TUT4: variants seen among roughly 807,000 people sequenced by gnomAD.
TUT4 encodes terminal uridylyl transferase 4, also known as terminal uridylyltransferase 4.
A neutral mutation model predicts 192.2 loss-of-function variants in TUT4; 36 were observed. That is an observed-to-expected ratio of 0.19 (90% CI 0.14 to 0.25). The LOEUF (loss-of-function observed/expected upper bound fraction) is 0.25, where lower values mean the gene tolerates loss of function less well. Among genes scored for constraint, TUT4 ranks in the 10% least tolerant of loss-of-function variants. The pLI is 1.00. For missense variants in TUT4, 1,493 were observed against 1,957.2 expected, an observed-to-expected ratio of 0.76 and a Z score of 4.47; for synonymous variants, 618 against 666.0, an observed-to-expected ratio of 0.93 and a Z score of 1.11.
At chr1:52,496,898 CT>C in intron 5 of TUT4, 107 bp downstream of exon 5, 9 of 1,110,402 alleles carry the variant, frequency 8.1e-6, no homozygotes, top group Non-Finnish European at 1.1e-5. Flanking sequence ...ATTTTATCTA[CT>C]TTTAAGGAGA....
Position 52,515,983 on chromosome 1 carries a change from T to C in TUT4, c.790A>G (p.Ile264Val). The C allele has an allele frequency of 2.5e-6, 4 of 1,613,690 alleles. No homozygotes were observed. Among genetic ancestry groups the C allele is most frequent in the South Asian group, 1.1e-5 (1 of 91,062 alleles). Residue 264 changes from isoleucine (I) to valine (V), a missense_variant, in exon 3 of 30, where the codon ATA (isoleucine) becomes GTA (valine). Coordinates refer to ENST00000257177, the MANE Select transcript of TUT4 (RefSeq NM_001009881.3). ...EMDYLENATV[I>V]DESALTPEQR... ...TCAGGTGTCAATGCAGATTCATCTATCACAGTGGCATTTTCTAAGTAGTCC... is the reference window on the plus strand; with the variant it reads ...TCAGGTGTCAATGCAGATTCATCTACCACAGTGGCATTTTCTAAGTAGTCC...
intron 5 of TUT4, among the ~76,000 whole-genome samples, 185 bp from the exon 6 acceptor site, chr1:52,495,700 G>A (rs1462086995): frequency 6.6e-6 from 1 of 152,168 alleles, no homozygotes. Context: ...CAGTTATGGA[G>A]TGTAGGAACA....
intron 1 of TUT4, among the ~76,000 whole-genome samples, chr1:52,528,510 G>C (rs1346694810): frequency 1.3e-5 from 2 of 148,234 alleles, no homozygotes; most frequent in East Asian, 3.9e-4. Flanking sequence ...AAAAAAAAGT[G>C]ATTTTATTAA....
At chr1:52,482,112 T>C (rs1668625897) in intron 9 of TUT4, among the ~76,000 whole-genome samples, 189 bp from the exon 10 acceptor site, 1 of 152,186 alleles carries the variant, frequency 6.6e-6, no homozygotes, top group South Asian at 2.1e-4. Context: ...TTTCATTCTT[T>C]TTAAAATTCA....
chr1:52,522,639 A>G (rs1317182932), intron 2 of TUT4, among the ~76,000 whole-genome samples: 1 of 152,220 alleles, frequency 6.6e-6, no homozygotes, highest in African/African-American at 2.4e-5. Flanking sequence ...AAAGAAAATA[A>G]TCTTTGGCCA....
intron 16 of TUT4, among the ~76,000 whole-genome samples, chr1:52,464,492 G>C (rs1053470754): frequency 6.6e-6 from 1 of 152,100 alleles, no homozygotes; most frequent in Non-Finnish European, 1.5e-5. Context: ...TTGACCTCAT[G>C]ATCCGCCCAC....
intron 7 of TUT4, among the ~76,000 whole-genome samples, chr1:52,492,040 G>A (rs956479955): frequency 2.0e-5 from 3 of 152,088 alleles, no homozygotes; most frequent in African/African-American, 7.2e-5. Context: ...ATATATCTTG[G>A]ATGGAAAAGG....
intron 4 of TUT4, among the ~76,000 whole-genome samples, chr1:52,503,172 C>T (rs1363350425): frequency 2.0e-5 from 3 of 152,124 alleles, no homozygotes; most frequent in African/African-American, 4.8e-5. Context: ...AACTCCAACC[C>T]GTATGCTCTT....
At chr1:52,454,010 A>G (rs1013554313) in intron 20 of TUT4, among the ~76,000 whole-genome samples, 3 of 152,252 alleles carry the variant, frequency 2.0e-5, no homozygotes, top group Admixed American at 6.5e-5. Context: ...ACATAGGTGT[A>G]AGTCTAACAA....
rs1666706663 is a variant in TUT4, at chr1:52,474,906, G to C, written c.2653C>G (p.Leu885Val). ...GTGGGGAGGTTATCATCATCATTAA[G>C]GTCAGAAGCATCTTCTGTAGCTTTG... ...NCKATEDASD[L>V]NDDDNLPTQE... Residue 885 changes from leucine (L) to valine (V), a missense_variant, in exon 13 of 30, where the codon CTT becomes GTT. By Grantham distance (32) the Leu-to-Val change is conservative. Around this residue, in one of 7 missense-constraint regions of TUT4, gnomAD observed 245 missense variants for 218.4 expected, o/e 1.12. Coordinates refer to ENST00000257177, the MANE Select transcript of TUT4 (RefSeq NM_001009881.3). 12 of 1,613,926 alleles carry C rather than the reference G, an allele frequency of 7.4e-6. No homozygotes were observed. Among genetic ancestry groups the C allele is most frequent in the Non-Finnish European group, 9.3e-6 (11 of 1,180,040 alleles).
chr1:52,473,891 T>G (rs781334796), intron 13 of TUT4, among the ~76,000 whole-genome samples: 9 of 152,174 alleles, frequency 5.9e-5, no homozygotes, highest in Non-Finnish European at 1.2e-4. Context: ...TGATTTTAAA[T>G]GATTTCCTTT....
chr1:52,484,011 C>T (rs995949368), intron 9 of TUT4, among the ~76,000 whole-genome samples: 8 of 151,808 alleles, frequency 5.3e-5, no homozygotes, highest in East Asian at 1.9e-4. Context: ...ATTTGTTAAA[C>T]GCCAGGTGCA....
At chr1:52,510,894 T>C (rs1345247001) in intron 3 of TUT4, among the ~76,000 whole-genome samples, 1 of 152,200 alleles carries the variant, frequency 6.6e-6, no homozygotes, top group Non-Finnish European at 1.5e-5. Flanking sequence ...TCTACGCAGA[T>C]TACACAATAA....
chr1:52,444,510 T>C (rs916401435), intron 24 of TUT4, among the ~76,000 whole-genome samples: 5 of 151,924 alleles, frequency 3.3e-5, no homozygotes. Flanking sequence ...TGCACGTTTG[T>C]TGTGATGGTT....
chr1:52,544,496 T>C (rs887085081), intron 1 of TUT4, among the ~76,000 whole-genome samples: 5 of 152,264 alleles, frequency 3.3e-5, no homozygotes, highest in Admixed American at 1.3e-4. Flanking sequence ...CTGCAAAAGA[T>C]TGAATTTTGA....
chr1:52,532,782 T>C (rs987256004), intron 1 of TUT4, among the ~76,000 whole-genome samples: 1 of 152,206 alleles, frequency 6.6e-6, no homozygotes, highest in Non-Finnish European at 1.5e-5. Context: ...AAGCCAACTA[T>C]ACTGTAGCAC....
At chr1:52,510,014 T>C (rs1429804549) in intron 3 of TUT4, among the ~76,000 whole-genome samples, 1 of 151,992 alleles carries the variant, frequency 6.6e-6, no homozygotes, top group Non-Finnish European at 1.5e-5. Context: ...TAGAATCCAA[T>C]GTAAGAAAAG....
intron 1 of TUT4, among the ~76,000 whole-genome samples, chr1:52,533,956 AC>A (rs1684197397): frequency 6.6e-6 from 1 of 152,116 alleles, no homozygotes; most frequent in Non-Finnish European, 1.5e-5. Flanking sequence ...ACAGTGTGCG[AC>A]TCAGTCTCAA....
At chr1:52,424,124 A>G in intron 29 of TUT4, 122 bp from the exon 30 acceptor site, 1 of 962,584 alleles carries the variant, frequency 1.0e-6, no homozygotes, top group Non-Finnish European at 1.5e-6. Context: ...GTGATAAAGC[A>G]TGCTGCAAAA....
Sources: gnomAD v4.1 joint callset for allele counts (sites outside exome capture counted in the v4.1 genomes callset) on GRCh38, gnomAD v4.1.1 for gene constraint, gnomAD v4.1.1 regional missense constraint, MANE v1.5 for transcripts, NCBI Gene and HGNC (gene_info 2026-07-23, HGNC 2026-07-21) for gene names.